Variants in CAST observed in about 807,000 individuals in gnomAD.
CAST encodes calpastatin, also known as MIR583 host.
A neutral mutation model predicts 119.6 loss-of-function variants in CAST; 76 were observed. The ratio of observed to expected loss-of-function variants is 0.64; its 90% CI spans 0.53 to 0.77. CAST has a LOEUF of 0.77. Ranked by LOEUF, CAST falls within the 30% of genes least tolerant of loss-of-function variation. The pLI is 0.00. For missense variants in CAST, 953 were observed against 946.5 expected, an observed-to-expected ratio of 1.01 and a Z score of -0.09; for synonymous variants, 319 against 331.6, an observed-to-expected ratio of 0.96 and a Z score of 0.41.
At chr5:96,438,074 A>C in the CAST span, among the ~76,000 whole-genome samples, 3 of 152,180 alleles carry the variant, frequency 2.0e-5, no homozygotes, top group Non-Finnish European at 4.4e-5. Context: ...TAGGTTAAAC[A>C]TCCCCAACCT....
intron 1 of CAST, among the ~76,000 whole-genome samples, chr5:96,592,870 T>A (rs261222): frequency 0.42 from 63,817 of 151,792 alleles, 13,677 homozygotes; most frequent in Admixed American, 0.48. Flanking sequence ...GTTCATGCCA[T>A]TCTCCTGCCT....
chr5:96,039,899 A>G, the CAST span, among the ~76,000 whole-genome samples: 4 of 152,228 alleles, frequency 2.6e-5, no homozygotes, highest in African/African-American at 9.6e-5. Context: ...GTTTTTTCCA[A>G]TTCTGTGGAG....
chr5:95,968,166 G>GT, the CAST span, among the ~76,000 whole-genome samples: 1 of 152,066 alleles, frequency 6.6e-6, no homozygotes, highest in Non-Finnish European at 1.5e-5. Context: ...TTGGGGGCTG[G>GT]TTTTTTTGTT....
chr5:96,337,934 A>T, the CAST span, among the ~76,000 whole-genome samples: 1 of 152,058 alleles, frequency 6.6e-6, no homozygotes, highest in African/African-American at 2.4e-5. Context: ...AGTACTTGAA[A>T]TTTTTCCTTA....
the CAST span, among the ~76,000 whole-genome samples, chr5:96,069,373 GT>G: frequency 9.0e-6 from 1 of 110,512 alleles, no homozygotes; most frequent in Non-Finnish European, 2.0e-5. Context: ...GTGTGTGTGT[GT>G]GTGTGTGTCT....
At chr5:96,032,330 T>C in the CAST span, among the ~76,000 whole-genome samples, 12 of 152,212 alleles carry the variant, frequency 7.9e-5, no homozygotes, top group African/African-American at 2.6e-4. Flanking sequence ...TTGAGATATA[T>C]ATGGGCTACC....
At chr5:96,241,526 A>T in the CAST span, among the ~76,000 whole-genome samples, 38 of 147,796 alleles carry the variant, frequency 2.6e-4, no homozygotes, top group African/African-American at 9.4e-4. Context: ...ATAAACATAC[A>T]TGTGCATGTG....
At chr5:96,063,008 T>TCC in the CAST span, among the ~76,000 whole-genome samples, 1 of 151,952 alleles carries the variant, frequency 6.6e-6, no homozygotes, top group Non-Finnish European at 1.5e-5. Context: ...CACTAACACC[T>TCC]CCCTCTCTCA....
At chr5:96,175,822 T>A in the CAST span, among the ~76,000 whole-genome samples, 1 of 152,228 alleles carries the variant, frequency 6.6e-6, no homozygotes, top group Non-Finnish European at 1.5e-5. Flanking sequence ...TTGTGATGCT[T>A]TTCTAATACA....
intron 2 of CAST, among the ~76,000 whole-genome samples, chr5:96,686,028 GA>G (rs554745698): frequency 1.3e-5 from 2 of 151,934 alleles, no homozygotes; most frequent in Non-Finnish European, 2.9e-5. Flanking sequence ...CATATTGTGG[GA>G]ATACAGTAGA....
intron 1 of CAST, among the ~76,000 whole-genome samples, chr5:96,633,589 C>T (rs9687185): frequency 0.024 from 3,695 of 152,282 alleles, 187 homozygotes; most frequent in African/African-American, 0.085. Flanking sequence ...AATGTCATGT[C>T]TCCACCTGGC....
At chr5:96,023,540 G>A in the CAST span, among the ~76,000 whole-genome samples, 1 of 152,082 alleles carries the variant, frequency 6.6e-6, no homozygotes, top group East Asian at 1.9e-4. Context: ...GATCTCTCTT[G>A]CTTTCAGAGT....
chr5:96,504,365 A>G, the CAST span, among the ~76,000 whole-genome samples: 5 of 152,210 alleles, frequency 3.3e-5, no homozygotes, highest in Non-Finnish European at 7.3e-5. Flanking sequence ...CCTCCAAAGA[A>G]TTCCAAGAGG....
chr5:96,197,097 A>G, the CAST span, among the ~76,000 whole-genome samples: 1 of 152,058 alleles, frequency 6.6e-6, no homozygotes, highest in Non-Finnish European at 1.5e-5. Context: ...CATTAGTTTC[A>G]TTTCTCCCTG....
the CAST span, among the ~76,000 whole-genome samples, chr5:96,372,554 T>C: frequency 1.3e-5 from 2 of 152,140 alleles, no homozygotes; most frequent in Non-Finnish European, 2.9e-5. Context: ...GTCATAAATG[T>C]AATACCATGG....
chr5:96,006,857 T>C, the CAST span, among the ~76,000 whole-genome samples: 1 of 152,202 alleles, frequency 6.6e-6, no homozygotes, highest in African/African-American at 2.4e-5. Context: ...TTTTAAGAAC[T>C]GGACATTGCA....
chr5:96,105,065 T>A, the CAST span, among the ~76,000 whole-genome samples: 67,314 of 117,130 alleles, frequency 0.57, 18,711 homozygotes, highest in South Asian at 0.63. Context: ...AGAATGCTTG[T>A]GATTTTTGTA....
chr5:96,394,924 C>T, the CAST span: 44 of 1,614,004 alleles, frequency 2.7e-5, no homozygotes, highest in Middle Eastern at 1.6e-4. Flanking sequence ...TGTTGTAGGA[C>T]GTGTACACAC....
intron 1 of CAST, among the ~76,000 whole-genome samples, chr5:96,589,973 A>G (rs1436597522): frequency 6.6e-6 from 1 of 152,240 alleles, no homozygotes; most frequent in Non-Finnish European, 1.5e-5. Context: ...CAGATATTTC[A>G]TATGTGAAAC....
Sources: allele counts gnomAD v4.1 joint callset (sites outside exome capture counted in the v4.1 genomes callset), GRCh38; gene constraint gnomAD v4.1.1; transcripts MANE v1.5; gene names NCBI Gene and HGNC (gene_info 2026-07-23, HGNC 2026-07-21).